The following SCN7A variants were observed in gnomAD, a reference collection of about 807,000 sequenced individuals.
SCN7A encodes the protein sodium voltage-gated channel alpha subunit 7, also known as sodium channel protein type 7 subunit alpha.
In SCN7A, 138 loss-of-function variants were observed where a neutral mutation model predicts 155.2. The observed-to-expected ratio is 0.89, with a 90% CI of 0.77 to 1.02. The LOEUF (loss-of-function observed/expected upper bound fraction) is 1.02, where lower values mean the gene tolerates loss of function less well. Among genes scored for constraint, SCN7A ranks in the 50% least tolerant of loss-of-function variants. SCN7A has a pLI of 0.00. For missense variants in SCN7A, 2,058 were observed against 1,986.6 expected, an observed-to-expected ratio of 1.04 and a Z score of -0.68; for synonymous variants, 693 against 649.0, an observed-to-expected ratio of 1.07 and a Z score of -1.03.
At chr2:166,435,769 A>G (rs1701826383) in intron 15 of SCN7A, among the ~76,000 whole-genome samples, 1 of 152,064 alleles carries the variant, frequency 6.6e-6, no homozygotes, top group Non-Finnish European at 1.5e-5. Flanking sequence ...AGGCAACTGA[A>G]TTTTGTATTA....
intron 1 of SCN7A, among the ~76,000 whole-genome samples, chr2:166,492,511 G>A (rs1019212424): frequency 1.3e-5 from 2 of 151,992 alleles, no homozygotes; most frequent in African/African-American, 4.8e-5. Flanking sequence ...ACAGAAAGAG[G>A]GTAAAGCATA....
chr2:166,475,121 C>CGTAT (rs1553520555), intron 3 of SCN7A, among the ~76,000 whole-genome samples: 2 of 102,206 alleles, frequency 2.0e-5, no homozygotes, highest in Admixed American at 1.0e-4. Flanking sequence ...TATATATATA[C>CGTAT]ATATATATAT....
intron 15 of SCN7A, among the ~76,000 whole-genome samples, chr2:166,439,965 T>C (rs182337659): frequency 1.2e-3 from 176 of 152,308 alleles, no homozygotes; most frequent in Admixed American, 2.5e-3. Context: ...TTGATCTTTA[T>C]GACATGAGTA....
At chr2:166,434,928 G>T (rs1042673065) in intron 15 of SCN7A, among the ~76,000 whole-genome samples, 1 of 151,920 alleles carries the variant, frequency 6.6e-6, no homozygotes, top group African/African-American at 2.4e-5. Flanking sequence ...ATTATAGAAA[G>T]AATAAAAAAT....
chr2:166,428,001 C>T, intron 17 of SCN7A, 59 bp from the exon 18 acceptor site: 1 of 1,523,084 alleles, frequency 6.6e-7, no homozygotes, highest in Non-Finnish European at 9.0e-7. Flanking sequence ...AAGTAAACAA[C>T]TGAAACTTTC....
chr2:166,421,287 A>C lies in SCN7A; in HGVS notation c.3038T>G (p.Leu1013Arg), dbSNP rs1432788338. 1.3e-6 allele frequency: 2 copies of C among 1,510,360 alleles called. No individual in the cohort carries two copies. Among genetic ancestry groups the C allele is most frequent in the Non-Finnish European group, 1.8e-6 (2 of 1,128,928 alleles). The allele number at this position is 1,510,360 out of a possible 1,614,324, so 93.6% of individuals were successfully genotyped here. Residue 1013 changes from leucine to arginine, a missense_variant, in exon 20 of 26, where the codon CTT becomes CGT. By Grantham distance (102) the Leu-to-Arg change is moderately radical. Coordinates refer to ENST00000643258, the MANE Select transcript of SCN7A (RefSeq NM_002976.4). Reference protein sequence around the residue: ...LDFVVVIVFCLSLIGKTREEL... With the variant: ...LDFVVVIVFCRSLIGKTREEL... ...TTCCCGAGTTTTGCCTATTAAGCTA[A>C]GACAAAACACCTATATATTTTTTTT...
chr2:166,424,411 T>C (rs928237129), intron 18 of SCN7A, among the ~76,000 whole-genome samples: 3 of 152,064 alleles, frequency 2.0e-5, no homozygotes, highest in African/African-American at 7.2e-5. Context: ...TTAAAAAGCA[T>C]TTGTTTTTAA....
At chr2:166,413,398 G>A (rs1001308853) in intron 21 of SCN7A, among the ~76,000 whole-genome samples, 3 of 151,936 alleles carry the variant, frequency 2.0e-5, no homozygotes, top group South Asian at 2.1e-4. Flanking sequence ...AATTACATGC[G>A]GCCATGTGTC....
intron 11 of SCN7A, among the ~76,000 whole-genome samples, chr2:166,455,085 A>G (rs529700632): frequency 6.6e-6 from 1 of 152,332 alleles, no homozygotes; most frequent in African/African-American, 2.4e-5. Context: ...AAAGAACTAG[A>G]AAGCCAATAA....
chr2:166,467,712 A>G (rs930381299), intron 7 of SCN7A, among the ~76,000 whole-genome samples: 1 of 151,492 alleles, frequency 6.6e-6, no homozygotes, highest in African/African-American at 2.4e-5. Flanking sequence ...TTCGATCTTA[A>G]TTTTCTGGTA....
Position 166,444,887 on chromosome 2 carries a change from T to G in SCN7A, c.1501A>C (p.Ile501Leu), listed in dbSNP as rs372122159. ...AGATCAGTAAATGGTGCCATTATAA[T>G]CCTATGGACAAACTCTTTCAATTTT... ...WLKLKEFVHRIIMAPFTDLFL... is the reference protein window; with the variant it reads ...WLKLKEFVHRLIMAPFTDLFL... The change falls in exon 13 of 26, where the codon ATT becomes CTT. Residue 501 changes from isoleucine (I) to leucine (L), a missense_variant. Ile to Leu is a conservative substitution (Grantham distance 5). Transcript: ENST00000643258. 3.7e-6 allele frequency: 6 copies of G among 1,612,720 alleles called. No homozygotes were observed. The highest frequency in any genetic ancestry group is 1.3e-5 in the African/African-American group (1 of 74,908).
intron 15 of SCN7A, among the ~76,000 whole-genome samples, chr2:166,440,064 T>C (rs1452284326): frequency 6.6e-6 from 1 of 152,224 alleles, no homozygotes; most frequent in Non-Finnish European, 1.5e-5. Flanking sequence ...GCTACTTATT[T>C]AATTCATTAG....
intron 2 of SCN7A, among the ~76,000 whole-genome samples, chr2:166,481,571 T>C (rs1702927885): frequency 6.6e-6 from 1 of 152,138 alleles, no homozygotes; most frequent in South Asian, 2.1e-4. Flanking sequence ...TCAATACTAA[T>C]TTGTGTCTGC....
At chr2:166,414,130 T>TA (rs1701281993) in intron 21 of SCN7A, among the ~76,000 whole-genome samples, 2 of 68,730 alleles carry the variant, frequency 2.9e-5, no homozygotes, top group Non-Finnish European at 4.9e-5. Flanking sequence ...TAATATATTA[T>TA]ATATATGTAA....
Position 166,406,103 on chromosome 2 carries a change from G to T in SCN7A, c.4526C>A (p.Thr1509Asn). The change falls in exon 26 of 26, where the codon ACC becomes AAC. Residue 1509 changes from threonine (T) to asparagine (N), a missense_variant. Thr to Asn is a moderately conservative substitution (Grantham distance 65). Coordinates refer to ENST00000643258, the MANE Select transcript of SCN7A (RefSeq NM_002976.4). ...LNIASKKKNK[T>N]LSEDDFRKFF... Reference sequence around the variant, plus strand: ...TTTCCTAAAATCATCTTCACTCAAGGTCTTGTTTTTCTTCTTAGAAGCAAT... The same window carrying T: ...TTTCCTAAAATCATCTTCACTCAAGTTCTTGTTTTTCTTCTTAGAAGCAAT... The T allele has an allele frequency of 6.2e-7, 1 of 1,611,932 alleles. No homozygotes were observed.
intron 11 of SCN7A, among the ~76,000 whole-genome samples, chr2:166,454,328 T>C (rs990524145): frequency 2.0e-5 from 3 of 152,224 alleles, no homozygotes; most frequent in Non-Finnish European, 4.4e-5. Context: ...GAATACTCAA[T>C]AGGCTTTTTT....
chr2:166,427,512 T>C (rs528537676), intron 18 of SCN7A, among the ~76,000 whole-genome samples: 1 of 152,070 alleles, frequency 6.6e-6, no homozygotes, highest in Admixed American at 6.6e-5. Context: ...TCTATTCACA[T>C]TCCATTTCCC....
At chr2:166,429,326 A>C in intron 16 of SCN7A, 52 bp from the exon 17 acceptor site, 1 of 1,075,372 alleles carries the variant, frequency 9.3e-7, no homozygotes, top group Non-Finnish European at 1.4e-6. Context: ...TCATTTACCC[A>C]TGGTGGCCAA....
chr2:166,457,715 A>G (rs1037363628), intron 10 of SCN7A, among the ~76,000 whole-genome samples: 1 of 152,222 alleles, frequency 6.6e-6, no homozygotes, highest in African/African-American at 2.4e-5. Flanking sequence ...TAGATTGCCA[A>G]ACACAGCACT....
Sources: allele counts gnomAD v4.1 joint callset (sites outside exome capture counted in the v4.1 genomes callset), GRCh38; gene constraint gnomAD v4.1.1; transcripts MANE v1.5; gene names NCBI Gene and HGNC (gene_info 2026-07-23, HGNC 2026-07-21).